The following SLC9A8 variants were observed in gnomAD, a reference collection of about 807,000 sequenced individuals.
SLC9A8 encodes the protein sodium/hydrogen exchanger 8.
A neutral mutation model predicts 66.6 loss-of-function variants in SLC9A8; 48 were observed. That is an observed-to-expected ratio of 0.72 (90% confidence interval 0.57 to 0.92). The LOEUF (loss-of-function observed/expected upper bound fraction) is 0.92. Ranked by LOEUF, SLC9A8 falls within the 40% of genes least tolerant of loss-of-function variation. The pLI, the probability that SLC9A8 is intolerant of heterozygous loss-of-function variation, is 0.00. For synonymous variants in SLC9A8, 274 were observed against 282.6 expected (o/e 0.97, Z 0.31); for missense variants, 599 against 747.3 (o/e 0.80, Z 2.31).
intron 12 of SLC9A8, among the ~76,000 whole-genome samples, chr20:49,880,389 G>A (rs530433651): frequency 3.2e-4 from 49 of 152,310 alleles, no homozygotes; most frequent in African/African-American, 1.1e-3. Flanking sequence ...GGGGCATGTG[G>A]CCTCCTGATA....
chr20:49,844,852 AT>A (rs375815138), intron 4 of SLC9A8, among the ~76,000 whole-genome samples, 183 bp from the exon 5 acceptor site: 203 of 143,398 alleles, frequency 1.4e-3, no homozygotes, highest in African/African-American at 3.0e-3. Context: ...ATACAGTTTC[AT>A]TTTTTTTTTT....
chr20:49,817,723 C>T (rs2086606281), intron 2 of SLC9A8, among the ~76,000 whole-genome samples: 1 of 152,122 alleles, frequency 6.6e-6, no homozygotes, highest in African/African-American at 2.4e-5. Flanking sequence ...TAAACCGATA[C>T]TGAAAAAGTA....
intron 3 of SLC9A8, among the ~76,000 whole-genome samples, chr20:49,832,911 C>G (rs919890145): frequency 3.5e-5 from 5 of 144,894 alleles, no homozygotes; most frequent in Non-Finnish European, 7.6e-5. Context: ...AAATCCTTTC[C>G]TTTTTTTTTT....
intron 8 of SLC9A8, among the ~76,000 whole-genome samples, chr20:49,862,255 G>A (rs1022400822): frequency 4.0e-5 from 6 of 151,742 alleles, no homozygotes; most frequent in African/African-American, 7.3e-5. Flanking sequence ...CCCAGCCCCC[G>A]GCCTTTTTTA....
At chr20:49,827,843 G>C (rs2086976015) in intron 3 of SLC9A8, among the ~76,000 whole-genome samples, 1 of 151,960 alleles carries the variant, frequency 6.6e-6, no homozygotes, top group South Asian at 2.1e-4. Context: ...TTACAAACTA[G>C]ATTTGATTGA....
Position 49,884,215 on chromosome 20 carries a change from CACACACACACACACACACACACACACG to C in SLC9A8, c.1491+166_1491+192del, listed in dbSNP as rs1178115504. On this transcript the variant is annotated intron_variant, in intron 14 of 15. Coordinates refer to ENST00000361573, the MANE Select transcript of SLC9A8 (RefSeq NM_015266.3). ...CACACACACGACACACACACACACA[CACACACACACACACACACACACACACG>C]ACACACACACACACACGACACACAC... 1.2e-3 allele frequency: 423 copies of C among 347,560 alleles called. 6 individuals are homozygous for C. Among genetic ancestry groups the C allele is most frequent in the Non-Finnish European group, 1.7e-3 (326 of 192,438 alleles). 21.5% of individuals were successfully genotyped at this position (347,560 alleles called of 1,614,324 possible).
chr20:49,815,797 A>G (rs1335577468), intron 2 of SLC9A8, among the ~76,000 whole-genome samples: 1 of 151,986 alleles, frequency 6.6e-6, no homozygotes, highest in South Asian at 2.1e-4. Flanking sequence ...AGTTCTACTC[A>G]AAGGAGTATG....
At chr20:49,849,505 G>A in intron 5 of SLC9A8, 74 bp from the exon 6 acceptor site, 2 of 1,120,518 alleles carry the variant, frequency 1.8e-6, no homozygotes, top group South Asian at 2.5e-5. Flanking sequence ...CGGAGGGCCA[G>A]GTGTGCAGGC....
In SLC9A8 at chr20:49,855,544, A is replaced by C; in HGVS notation, c.676A>C (p.Ser226Arg). ...GCTCAACATGCTGGTCTTTGGAGAA[A>C]GTATTCTCAACGATGCAGTCTCCAT... ...PVLNMLVFGE[S>R]ILNDAVSIVL... Residue 226 changes from serine to arginine, a missense_variant, in exon 8 of 16, where the codon AGT (serine) becomes CGT (arginine). Ser to Arg is a moderately radical substitution (Grantham distance 110, BLOSUM62 -1). Around this residue, in one of 2 missense-constraint regions of SLC9A8, gnomAD observed 467 missense variants for 626.5 expected, o/e 0.75. Transcript: ENST00000361573. 1 of 1,614,212 alleles carries C rather than the reference A, an allele frequency of 6.2e-7. No homozygotes were observed. The highest frequency in any genetic ancestry group is 8.5e-7 in the Non-Finnish European group (1 of 1,180,040).
chr20:49,850,788 G>T (rs1171010807), intron 6 of SLC9A8, 22 bp from the exon 7 acceptor site: 3 of 1,610,218 alleles, frequency 1.9e-6, no homozygotes, highest in East Asian at 2.2e-5. Context: ...GTGTCTGTGT[G>T]TTTGTGTGTT....
chr20:49,830,891 T>C (rs1005854087), intron 3 of SLC9A8: 51 of 1,129,508 alleles, frequency 4.5e-5, no homozygotes, highest in Non-Finnish European at 6.5e-5. Context: ...AGTGCCAAAA[T>C]ACCCTGCAAG....
At chr20:49,882,648 G>T (rs1244128450) in intron 13 of SLC9A8, among the ~76,000 whole-genome samples, 1 of 152,208 alleles carries the variant, frequency 6.6e-6, no homozygotes, top group African/African-American at 2.4e-5. Context: ...CTGCCTGTTT[G>T]GATGCCGTGG....
In SLC9A8 at chr20:49,883,941, G is replaced by C. The variant is rs752379354; in HGVS notation, c.1366G>C (p.Val456Leu). 8 of 1,612,668 alleles carry C rather than the reference G, an allele frequency of 5.0e-6. No homozygotes were observed. Among genetic ancestry groups the C allele is most frequent in the Non-Finnish European group, 6.8e-6 (8 of 1,179,976 alleles). Residue 456 changes from valine (V) to leucine (L), a missense_variant, in exon 14 of 16, where the codon GTG becomes CTG. Val to Leu is a conservative substitution (Grantham distance 32, BLOSUM62 1). Around this residue, in one of 2 missense-constraint regions of SLC9A8, gnomAD observed 467 missense variants for 626.5 expected, o/e 0.75. Coordinates refer to ENST00000361573, the MANE Select transcript of SLC9A8 (RefSeq NM_015266.3). ...QLIGTTTIVI[V>L]LFTILLLGGS... is the part of the protein sequence containing the mutation. Reference sequence around the variant, plus strand: ...CATCGGCACCACCACCATCGTCATCGTGCTCTTCACCATCCTGCTGCTGGG... The same window carrying C: ...CATCGGCACCACCACCATCGTCATCCTGCTCTTCACCATCCTGCTGCTGGG...
At chr20:49,846,356 C>G (rs918524045) in intron 5 of SLC9A8, among the ~76,000 whole-genome samples, 1 of 151,604 alleles carries the variant, frequency 6.6e-6, no homozygotes, top group Non-Finnish European at 1.5e-5. Context: ...AAGTTTAGGC[C>G]AGTCCTTGGA....
At chr20:49,844,526 G>A (rs1036033785) in intron 4 of SLC9A8, among the ~76,000 whole-genome samples, 2 of 149,956 alleles carry the variant, frequency 1.3e-5, no homozygotes. Context: ...GCTCATGCCT[G>A]TAATCCCAGC....
intron 3 of SLC9A8, among the ~76,000 whole-genome samples, chr20:49,832,151 T>C (rs2087227705): frequency 6.6e-6 from 1 of 152,124 alleles, no homozygotes; most frequent in Admixed American, 6.5e-5. Context: ...TGTCCTCCCT[T>C]CTCCCCACCT....
chr20:49,841,327 A>AG (rs2087751917), intron 4 of SLC9A8, among the ~76,000 whole-genome samples: 1 of 151,538 alleles, frequency 6.6e-6, no homozygotes, highest in East Asian at 1.9e-4. Context: ...AAAAAAAAAA[A>AG]AAGTTGGGGC....
intron 5 of SLC9A8, among the ~76,000 whole-genome samples, chr20:49,845,926 G>A (rs2087969467): frequency 6.6e-6 from 1 of 151,948 alleles, no homozygotes; most frequent in Admixed American, 6.6e-5. Context: ...CCTCCACCTT[G>A]TGGGTTCAAG....
At chr20:49,823,215 C>T in intron 3 of SLC9A8, 74 bp downstream of exon 3, 1 of 1,087,398 alleles carries the variant, frequency 9.2e-7, no homozygotes. Flanking sequence ...TCTTTAGTGC[C>T]AGGAACCACA....
Sources: gnomAD v4.1 joint callset for allele counts (sites outside exome capture counted in the v4.1 genomes callset) on GRCh38, gnomAD v4.1.1 for gene constraint, gnomAD v4.1.1 regional missense constraint, MANE v1.5 for transcripts, NCBI Gene and HGNC (gene_info 2026-07-23, HGNC 2026-07-21) for gene names.